BAIAP2: variants seen among roughly 807,000 people sequenced by gnomAD.
BAIAP2 encodes BAR/IMD domain containing adaptor protein 2.
BAIAP2 carries 18 observed loss-of-function variants against 63.0 expected under a neutral mutation model. The ratio of observed to expected loss-of-function variants is 0.29; its 90% confidence interval spans 0.20 to 0.42. The LOEUF (loss-of-function observed/expected upper bound fraction) is 0.42, where lower values mean the gene tolerates loss of function less well. Among genes scored for constraint, BAIAP2 ranks in the 10% least tolerant of loss-of-function variants. The probability of loss-of-function intolerance (pLI) is 1.00; values close to 1 mark genes in which losing one functional copy is unlikely to be tolerated. For synonymous variants in BAIAP2, 386 were observed against 307.6 expected, an observed-to-expected ratio of 1.25 and a Z score of -2.67; for missense variants, 610 against 734.3, an observed-to-expected ratio of 0.83 and a Z score of 1.96.
In BAIAP2 at chr17:81,088,138, C is replaced by T. The variant is rs557785401; in HGVS notation, c.489+1558C>T. Among the ~76,000 whole-genome samples the T allele has an allele frequency of 4.0e-3, 610 of 152,200 alleles. 1 individual carries two copies. The highest frequency in any genetic ancestry group is 6.6e-3 in the Non-Finnish European group (447 of 68,012). On this transcript the variant is annotated intron_variant, in intron 6 of 13. Transcript: ENST00000428708. ...TGAAGACAAGCAGCGGACGGCACCC[C>T]TGCGGCCTGGAGGGCCATAGCCGCC...
At chr17:81,095,759 C>G (rs1055407002) in intron 6 of BAIAP2, among the ~76,000 whole-genome samples, 2 of 152,168 alleles carry the variant, frequency 1.3e-5, no homozygotes, top group African/African-American at 4.8e-5. Flanking sequence ...CTGTCTCTCC[C>G]CCGACTTCCC....
chr17:81,058,972 G>A (rs1003012240), intron 3 of BAIAP2, among the ~76,000 whole-genome samples: 21 of 152,180 alleles, frequency 1.4e-4, no homozygotes, highest in East Asian at 9.6e-4. Context: ...AAGAGGCTCC[G>A]TCTCCCTAAT....
intron 12 of BAIAP2, 85 bp from the exon 13 acceptor site, chr17:81,108,390 C>A: frequency 1.4e-6 from 2 of 1,466,018 alleles, no homozygotes; most frequent in Non-Finnish European, 9.5e-7. Flanking sequence ...GGCAGGATCA[C>A]CATTTGTGGG....
chr17:81,107,148 C>T (rs1217089570), intron 12 of BAIAP2: 20 of 526,762 alleles, frequency 3.8e-5, no homozygotes, highest in South Asian at 1.1e-4. Context: ...GTCAGCCTGT[C>T]CCTCATGGTG....
chr17:81,109,284 G>A (rs1400227529), intron 13 of BAIAP2: 7 of 1,265,866 alleles, frequency 5.5e-6, no homozygotes, highest in South Asian at 2.7e-5. Context: ...GGGCACCCTC[G>A]GCCTCACCCT....
chr17:81,101,824 C>T (rs984632427), intron 7 of BAIAP2, among the ~76,000 whole-genome samples: 3 of 152,368 alleles, frequency 2.0e-5, no homozygotes, highest in Non-Finnish European at 2.9e-5. Context: ...AGCCTCGCTG[C>T]TGAAGGACTC....
intron 1 of BAIAP2, among the ~76,000 whole-genome samples, chr17:81,047,421 C>T (rs574433939): frequency 3.9e-4 from 60 of 152,334 alleles, no homozygotes; most frequent in African/African-American, 1.4e-3. Context: ...GACTCTTTCT[C>T]TGTTTGTTCT....
At chr17:81,037,098 G>A (rs1207727224) in intron 1 of BAIAP2, 1 of 765,848 alleles carries the variant, frequency 1.3e-6, no homozygotes, top group Non-Finnish European at 2.1e-6. Context: ...TCTGCTGGCA[G>A]GAAAACTCTT....
chr17:81,058,111 G>T (rs922336042), intron 3 of BAIAP2, 144 bp downstream of exon 3: 5 of 717,478 alleles, frequency 7.0e-6, no homozygotes, highest in Non-Finnish European at 1.1e-5. Flanking sequence ...CAGTCACCCT[G>T]GGAGCTGCCT....
chr17:81,075,274 C>T (rs1437569152), intron 3 of BAIAP2, among the ~76,000 whole-genome samples: 1 of 152,250 alleles, frequency 6.6e-6, no homozygotes, highest in South Asian at 2.1e-4. Context: ...GCTGCCCTCT[C>T]TCTTCCGGGA....
At chr17:81,042,308 G>A (rs2047194122) in intron 1 of BAIAP2, among the ~76,000 whole-genome samples, 1 of 101,676 alleles carries the variant, frequency 9.8e-6, no homozygotes, top group Non-Finnish European at 2.5e-5. Flanking sequence ...TGTGTGCCTG[G>A]CTAATTTTTT....
In BAIAP2 at chr17:81,099,936, C is replaced by A; in HGVS notation, c.498C>A (p.Asp166Glu). 1 of 1,613,236 alleles carries A rather than the reference C, an allele frequency of 6.2e-7. No homozygotes were observed. Among genetic ancestry groups the A allele is most frequent in the Non-Finnish European group, 8.5e-7 (1 of 1,179,788 alleles). Residue 166 changes from aspartate to glutamate, a missense_variant, in exon 7 of 14, where the codon GAC (aspartate) becomes GAA (glutamate). By Grantham distance (45) the Asp-to-Glu change is conservative. This residue lies in a region of BAIAP2 where 389 missense variants were observed against 455.6 expected (regional missense o/e 0.85). Coordinates refer to ENST00000428708, the MANE Select transcript of BAIAP2 (RefSeq NM_001144888.2). ...TCCCTTTCCCTCCACAGTACATCGA[C>A]GCCATCAGCAACAAGCAGGGCGAGC... ...KYSDKELQYI[D>E]AISNKQGELE... is the part of the protein sequence containing the mutation.
At chr17:81,039,209 G>A (rs995941113) in intron 1 of BAIAP2, among the ~76,000 whole-genome samples, 1 of 152,240 alleles carries the variant, frequency 6.6e-6, no homozygotes, top group Non-Finnish European at 1.5e-5. Flanking sequence ...GGTCCCCTTG[G>A]TGGGGTGGCC....
At chr17:81,110,156 T>C in intron 13 of BAIAP2, 2 of 985,664 alleles carry the variant, frequency 2.0e-6, no homozygotes, top group Non-Finnish European at 2.4e-6. Context: ...GGCGCTCCTT[T>C]ATCTGATGTG....
chr17:81,090,134 A>G (rs1392822799), intron 6 of BAIAP2, among the ~76,000 whole-genome samples: 1 of 152,076 alleles, frequency 6.6e-6, no homozygotes, highest in East Asian at 1.9e-4. Flanking sequence ...GCACAGCCTC[A>G]AGGCCCTGGT....
Position 81,116,065 on chromosome 17 carries a change from G to T in BAIAP2, c.*226G>T. ...CGAGACCCAGTGGCTGGGCTGCCCA[G>T]GGCTGAGGGGCCGCCTCTTGAGGGT... On this transcript the variant is annotated 3_prime_UTR_variant, in exon 14 of 14. Coordinates refer to ENST00000428708, the MANE Select transcript of BAIAP2 (RefSeq NM_001144888.2). 6.8e-7 allele frequency: 1 copy of T among 1,473,266 alleles called. No individual in the cohort carries two copies. The highest frequency in any genetic ancestry group is 9.0e-7 in the Non-Finnish European group (1 of 1,115,562). The allele number at this position is 1,473,266 out of a possible 1,614,324, so 91.3% of individuals were successfully genotyped here.
At chr17:81,078,405 C>G (rs1329862519) in intron 3 of BAIAP2, among the ~76,000 whole-genome samples, 1 of 133,244 alleles carries the variant, frequency 7.5e-6, no homozygotes, top group African/African-American at 2.9e-5. Context: ...GGGTGGGAGC[C>G]GGGCGCTGTG....
chr17:81,071,726 C>T (rs1203844914), intron 3 of BAIAP2, among the ~76,000 whole-genome samples: 1 of 152,250 alleles, frequency 6.6e-6, no homozygotes, highest in African/African-American at 2.4e-5. Flanking sequence ...AGACTCAGCG[C>T]GGGGGTCGGA....
At chr17:81,095,531 G>A (rs754187832) in intron 6 of BAIAP2, among the ~76,000 whole-genome samples, 10 of 152,176 alleles carry the variant, frequency 6.6e-5, no homozygotes, top group Non-Finnish European at 1.3e-4. Flanking sequence ...GTGAGGAGAG[G>A]CAGCTGTCAT....
Sources: allele counts gnomAD v4.1 joint callset (sites outside exome capture counted in the v4.1 genomes callset), GRCh38; gene constraint gnomAD v4.1.1; regional missense constraint gnomAD v4.1.1; transcripts MANE v1.5; gene names NCBI Gene and HGNC (gene_info 2026-07-23, HGNC 2026-07-21).